The following KLC1 variants were observed in gnomAD, a reference collection of about 807,000 sequenced individuals.
KLC1 encodes the protein kinesin light chain 1, also known as kinesin 2 60/70kDa.
In KLC1, 30 loss-of-function variants were observed where a neutral mutation model predicts 84.2. The observed-to-expected ratio is 0.36, with a 90% CI of 0.27 to 0.48. The LOEUF is 0.48. Among genes scored for constraint, KLC1 ranks in the 20% least tolerant of loss-of-function variants. The probability of loss-of-function intolerance (pLI) is 0.99; values close to 1 mark genes in which losing one functional copy is unlikely to be tolerated. For missense variants in KLC1, 499 were observed against 805.4 expected (o/e 0.62, Z 4.60); for synonymous variants, 289 against 293.3 (o/e 0.99, Z 0.15).
At chr14:103,690,378 T>TG (rs2082027275) in intron 14 of KLC1, among the ~76,000 whole-genome samples, 2 of 152,186 alleles carry the variant, frequency 1.3e-5, no homozygotes, top group Admixed American at 6.5e-5. Flanking sequence ...TGGGACATTT[T>TG]GGGGGTGAGT....
chr14:103,677,343 AT>A, intron 11 of KLC1, 71 bp from the exon 12 acceptor site: 1 of 870,580 alleles, frequency 1.1e-6, no homozygotes, highest in Non-Finnish European at 1.9e-6. Context: ...AGTTCTTTAG[AT>A]TATGTGCTGT....
chr14:103,673,502 G>C, intron 9 of KLC1, 71 bp downstream of exon 9: 70 of 935,500 alleles, frequency 7.5e-5, no homozygotes, highest in Non-Finnish European at 1.0e-4. Flanking sequence ...TATACTAATA[G>C]TATTAGTTAC....
At chr14:103,658,972 AT>A (rs1318672198) in intron 3 of KLC1, among the ~76,000 whole-genome samples, 21 of 116,666 alleles carry the variant, frequency 1.8e-4, no homozygotes, top group Non-Finnish European at 1.4e-4. Context: ...ACTTCTTTTT[AT>A]TTTTTTTTTT....
At chr14:103,691,923 A>AC (rs1485548858) in intron 14 of KLC1, among the ~76,000 whole-genome samples, 7 of 151,864 alleles carry the variant, frequency 4.6e-5, no homozygotes, top group African/African-American at 1.7e-4. Flanking sequence ...GATGCATGCC[A>AC]CCACGCCTGG....
At chr14:103,691,999 G>A (rs954267011) in intron 14 of KLC1, among the ~76,000 whole-genome samples, 3 of 152,138 alleles carry the variant, frequency 2.0e-5, no homozygotes, top group African/African-American at 7.2e-5. Flanking sequence ...TGAACTCCTG[G>A]GCTTAAGTGA....
At position 103,661,918 on chromosome 14, in the gene KLC1, A is replaced by G. The variant is rs147872639; in HGVS notation, c.493-198A>G. 6.1e-3 allele frequency among the ~76,000 whole-genome samples: 931 copies of G among 152,294 alleles called. 12 individuals carry two copies. The highest frequency in any genetic ancestry group is 0.034 in the Middle Eastern group (10 of 294). On this transcript the variant is annotated intron_variant, in intron 3 of 16. Transcript: ENST00000334553. The stretch of plus-strand genomic sequence containing the variant: ...CTGTGGTCTGCACTCAAGTATTTGT[A>G]TTCTAGTCTAAAAAGCTTTTCATTA...
intron 1 of KLC1, among the ~76,000 whole-genome samples, chr14:103,632,204 T>A (rs2076739301): frequency 6.6e-6 from 1 of 151,914 alleles, no homozygotes; most frequent in African/African-American, 2.4e-5. Context: ...GGCAGGTGGA[T>A]CACCTGAGGT....
At chr14:103,657,329 A>G (rs986434900) in intron 2 of KLC1, among the ~76,000 whole-genome samples, 1 of 152,080 alleles carries the variant, frequency 6.6e-6, no homozygotes, top group Non-Finnish European at 1.5e-5. Flanking sequence ...ATTTTTTTGT[A>G]GGCATTCTGA....
At chr14:103,634,801 G>A (rs772581733) in intron 1 of KLC1, among the ~76,000 whole-genome samples, 19 of 151,904 alleles carry the variant, frequency 1.3e-4, no homozygotes, top group Non-Finnish European at 2.5e-4. Flanking sequence ...GGCTGGTCTC[G>A]AATTCCTGGG....
chr14:103,666,733 G>A (rs991614408), intron 5 of KLC1, among the ~76,000 whole-genome samples: 1 of 150,570 alleles, frequency 6.6e-6, no homozygotes, highest in Non-Finnish European at 1.5e-5. Context: ...CAAAGTGCTG[G>A]GATTACAGGC....
At chr14:103,652,828 A>G (rs1307695814) in intron 1 of KLC1, among the ~76,000 whole-genome samples, 2 of 152,106 alleles carry the variant, frequency 1.3e-5, no homozygotes. Flanking sequence ...CCTCTTTGTT[A>G]GTGGAGTGGA....
At chr14:103,660,854 A>G (rs370088841) in intron 3 of KLC1, among the ~76,000 whole-genome samples, 5 of 152,176 alleles carry the variant, frequency 3.3e-5, no homozygotes, top group South Asian at 2.1e-4. Context: ...CTAGAGTGCT[A>G]TGGAAATGCA....
intron 11 of KLC1, among the ~76,000 whole-genome samples, chr14:103,677,033 A>G (rs1307007945): frequency 6.6e-6 from 1 of 152,226 alleles, no homozygotes; most frequent in African/African-American, 2.4e-5. Flanking sequence ...GAGCAGCAAC[A>G]TTCAGAGCAC....
chr14:103,638,170 A>G (rs1227386221), intron 1 of KLC1, among the ~76,000 whole-genome samples: 1 of 152,090 alleles, frequency 6.6e-6, no homozygotes, highest in Non-Finnish European at 1.5e-5. Flanking sequence ...ATCTCTCGGT[A>G]AAACATCCCT....
chr14:103,641,814 G>A (rs1488874284), intron 1 of KLC1, among the ~76,000 whole-genome samples: 7 of 152,104 alleles, frequency 4.6e-5, no homozygotes, highest in Admixed American at 4.6e-4. Context: ...TAGAGATGGG[G>A]TTTTACCATG....
chr14:103,629,384 T>A lies in KLC1; in HGVS notation c.-112T>A, dbSNP rs1051895744. 3 of 152,098 alleles carry A rather than the reference T, an allele frequency of 2.0e-5. No homozygotes were observed. Among genetic ancestry groups the A allele is most frequent in the Non-Finnish European group, 4.4e-5 (3 of 68,034 alleles). The allele number at this position is 152,098 out of a possible 1,614,324, so 9.4% of individuals were successfully genotyped here. On this transcript the variant is annotated 5_prime_UTR_variant, in exon 1 of 17. Transcript: ENST00000334553. ...CCCCTAGCTGGTGACTGCTGCGCCG[T>A]GCCTCACACAGCCGAGGCGGGCTCG...
intron 5 of KLC1, among the ~76,000 whole-genome samples, chr14:103,663,667 C>G (rs2079493660): frequency 6.6e-6 from 1 of 152,148 alleles, no homozygotes; most frequent in Admixed American, 6.6e-5. Flanking sequence ...CTCCCCGAAC[C>G]CTTTCACCCC....
In KLC1 at chr14:103,685,411, T is replaced by C. The variant is rs928343981; in HGVS notation, c.1651-1670T>C. ...GTGTTGACATTTACTTTGATGACCA[T>C]TGGGAATGGACCAGTCTGGATTCTG... On this transcript the variant is annotated intron_variant, in intron 13 of 16. Transcript: ENST00000334553. The C allele has an allele frequency of 1.5e-5, 18 of 1,194,034 alleles. No individual in the cohort carries two copies. In the East Asian group the frequency reaches 6.9e-4, roughly 45 times the overall value. 74.0% of individuals were successfully genotyped at this position (1,194,034 alleles called of 1,614,324 possible).
At chr14:103,700,914 G>T (rs1233112155) in intron 16 of KLC1, among the ~76,000 whole-genome samples, 187 bp downstream of exon 16, 1 of 152,230 alleles carries the variant, frequency 6.6e-6, no homozygotes, top group Non-Finnish European at 1.5e-5. Context: ...CACAGAGTGG[G>T]GGGGTGGGAA....
Sources: allele counts gnomAD v4.1 joint callset (sites outside exome capture counted in the v4.1 genomes callset), GRCh38; gene constraint gnomAD v4.1.1; transcripts MANE v1.5; gene names NCBI Gene and HGNC (gene_info 2026-07-23, HGNC 2026-07-21).